NELL1: variants seen among roughly 807,000 people sequenced by gnomAD.
The protein encoded by NELL1 is protein kinase C-binding protein NELL1.
Under a neutral mutation model 107.4 loss-of-function variants are expected in NELL1, and 76 were observed. The observed-to-expected ratio is 0.71, with a 90% CI of 0.59 to 0.86. The LOEUF is 0.86. Among genes scored for constraint, NELL1 ranks in the 40% least tolerant of loss-of-function variants. The pLI is 0.00. For missense variants in NELL1, 1,024 were observed against 1,005.5 expected (o/e 1.02, Z -0.25); for synonymous variants, 353 against 341.2 (o/e 1.03, Z -0.38).
intron 3 of NELL1, among the ~76,000 whole-genome samples, chr11:20,789,346 C>T (rs1172154779): frequency 5.9e-5 from 9 of 152,174 alleles, no homozygotes; most frequent in Admixed American, 2.0e-4. Context: ...CTCCAGGTAC[C>T]GGCAGGGTTA....
At chr11:21,151,129 G>C (rs1275754814) in intron 13 of NELL1, among the ~76,000 whole-genome samples, 1 of 152,126 alleles carries the variant, frequency 6.6e-6, no homozygotes, top group African/African-American at 2.4e-5. Context: ...TTTGGGTAGG[G>C]ACACAGTGCC....
At chr11:20,727,229 C>A (rs956159601) in intron 2 of NELL1, among the ~76,000 whole-genome samples, 3 of 152,148 alleles carry the variant, frequency 2.0e-5, no homozygotes, top group African/African-American at 7.2e-5. Flanking sequence ...TAAAAGTGTT[C>A]CTATTTCTCC....
rs112743067 is a variant in NELL1, at chr11:21,325,773, C to G, written c.1550-45080C>G. ...TATCTCAGAAAATTCCCTTGTGCTG[C>G]TTTTCAGTCAATCACTGTCCATCAA... On this transcript the variant is annotated intron_variant, in intron 14 of 19. Transcript: ENST00000357134. Among the ~76,000 whole-genome samples, 101 of 152,114 alleles carry G rather than the reference C, an allele frequency of 6.6e-4. 1 individual carries two copies. Among genetic ancestry groups the G allele is most frequent in the Middle Eastern group, 3.4e-3 (1 of 292 alleles).
At chr11:20,739,489 C>T (rs549863756) in intron 2 of NELL1, among the ~76,000 whole-genome samples, 11 of 152,138 alleles carry the variant, frequency 7.2e-5, no homozygotes, top group Admixed American at 2.6e-4. Flanking sequence ...ATAATCCAGC[C>T]GCTGTCTGCC....
At chr11:20,700,528 A>G (rs1295580435) in intron 2 of NELL1, among the ~76,000 whole-genome samples, 2 of 151,942 alleles carry the variant, frequency 1.3e-5, no homozygotes, top group African/African-American at 2.4e-5. Flanking sequence ...AATTTTTTTT[A>G]TTATACTTCT....
chr11:21,277,276 C>T (rs1848886648), intron 14 of NELL1, among the ~76,000 whole-genome samples: 1 of 152,060 alleles, frequency 6.6e-6, no homozygotes, highest in Admixed American at 6.6e-5. Flanking sequence ...GACATTTATG[C>T]AGCCAAAAGA....
chr11:20,919,128 A>T (rs1349519687), intron 6 of NELL1, 124 bp from the exon 7 acceptor site: 4 of 463,536 alleles, frequency 8.6e-6, no homozygotes, highest in African/African-American at 2.1e-5. Flanking sequence ...CTCAAATTTC[A>T]AAGCAATGTC....
chr11:20,959,101 A>G (rs1017356806), intron 11 of NELL1, among the ~76,000 whole-genome samples: 2 of 152,190 alleles, frequency 1.3e-5, no homozygotes, highest in African/African-American at 4.8e-5. Flanking sequence ...GAATGAATGA[A>G]CCCATAGCTA....
At chr11:20,804,057 T>A (rs1392963752) in intron 3 of NELL1, among the ~76,000 whole-genome samples, 9 of 15,016 alleles carry the variant, frequency 6.0e-4, no homozygotes, top group South Asian at 0.011. Context: ...AGTTAATATT[T>A]AATAAACATA....
At chr11:20,901,236 A>G (rs1849865752) in intron 5 of NELL1, among the ~76,000 whole-genome samples, 2 of 152,132 alleles carry the variant, frequency 1.3e-5, no homozygotes, top group African/African-American at 2.4e-5. Flanking sequence ...GAGTTCAGAA[A>G]GAGTACTAGA....
intron 15 of NELL1, among the ~76,000 whole-genome samples, chr11:21,437,584 C>G (rs1375497667): frequency 6.6e-6 from 1 of 152,190 alleles, no homozygotes; most frequent in East Asian, 1.9e-4. Flanking sequence ...GTCTCGAACT[C>G]CCGACCTCAA....
intron 3 of NELL1, among the ~76,000 whole-genome samples, chr11:20,799,673 G>GTATC (rs1450766717): frequency 1.3e-5 from 2 of 151,962 alleles, no homozygotes; most frequent in Admixed American, 6.6e-5. Flanking sequence ...ATGTATGTAT[G>GTATC]TATGTATGTA....
intron 19 of NELL1, 125 bp downstream of exon 19, chr11:21,573,534 T>G (rs1857153106): frequency 3.7e-6 from 3 of 806,056 alleles, no homozygotes; most frequent in African/African-American, 1.7e-5. Context: ...TGGCATACAT[T>G]TACTTCTCAT....
intron 18 of NELL1, 136 bp downstream of exon 18, chr11:21,571,076 T>C (rs1857091526): frequency 4.5e-6 from 3 of 672,442 alleles, no homozygotes; most frequent in East Asian, 5.3e-5. Context: ...CTAAGGGTCA[T>C]GTTCTCTTCC....
intron 15 of NELL1, among the ~76,000 whole-genome samples, chr11:21,509,319 A>C (rs1274026544): frequency 6.6e-6 from 1 of 152,200 alleles, no homozygotes; most frequent in East Asian, 1.9e-4. Flanking sequence ...AGTTTGGTAG[A>C]GTTGACTGTG....
intron 3 of NELL1, among the ~76,000 whole-genome samples, chr11:20,829,401 A>AT (rs1384423841): frequency 6.6e-6 from 1 of 151,600 alleles, no homozygotes; most frequent in African/African-American, 2.4e-5. Flanking sequence ...TAATTTTTGT[A>AT]TTTTTTAGTA....
chr11:21,058,566 C>T (rs1319983822), intron 12 of NELL1, among the ~76,000 whole-genome samples: 2 of 152,030 alleles, frequency 1.3e-5, no homozygotes, highest in Non-Finnish European at 2.9e-5. Context: ...CACTTAAGCC[C>T]CTGATTGGCA....
chr11:21,509,923 C>A (rs1000673709), intron 15 of NELL1, among the ~76,000 whole-genome samples: 4 of 152,136 alleles, frequency 2.6e-5, no homozygotes, highest in African/African-American at 9.7e-5. Context: ...TAAAATTAAT[C>A]CCAAACTGCA....
At chr11:21,510,077 C>A (rs1306842890) in intron 15 of NELL1, among the ~76,000 whole-genome samples, 2 of 152,166 alleles carry the variant, frequency 1.3e-5, no homozygotes, top group East Asian at 1.9e-4. Flanking sequence ...TTAACATCTT[C>A]GGCACTTGAG....
Sources: allele counts gnomAD v4.1 joint callset (sites outside exome capture counted in the v4.1 genomes callset), GRCh38; gene constraint gnomAD v4.1.1; transcripts MANE v1.5; gene names NCBI Gene and HGNC (gene_info 2026-07-23, HGNC 2026-07-21).